The following AKT3 variants were observed in gnomAD, a reference collection of about 807,000 sequenced individuals.
AKT3 encodes the protein RAC-gamma serine/threonine-protein kinase.
AKT3 carries 15 observed loss-of-function variants against 65.3 expected under a neutral mutation model. The observed-to-expected ratio is 0.23, with a 90% CI of 0.15 to 0.35. The LOEUF (loss-of-function observed/expected upper bound fraction) is 0.35. Among genes scored for constraint, AKT3 ranks in the 10% least tolerant of loss-of-function variants. The probability of loss-of-function intolerance (pLI) is 1.00; values close to 1 mark genes in which losing one functional copy is unlikely to be tolerated. For synonymous variants in AKT3, 206 were observed against 183.8 expected, an observed-to-expected ratio of 1.12 and a Z score of -0.98; for missense variants, 243 against 576.5, an observed-to-expected ratio of 0.42 and a Z score of 5.92.
chr1:243,554,807 A>T (rs1673303123), intron 10 of AKT3, among the ~76,000 whole-genome samples: 1 of 152,086 alleles, frequency 6.6e-6, no homozygotes, highest in Non-Finnish European at 1.5e-5. Context: ...AAACCATAAA[A>T]AGCATAAAAG....
intron 8 of AKT3, among the ~76,000 whole-genome samples, chr1:243,598,849 C>T (rs1286873021): frequency 1.3e-5 from 2 of 152,132 alleles, no homozygotes; most frequent in Non-Finnish European, 2.9e-5. Context: ...GCATCTCCTT[C>T]TAGAAATCAT....
At chr1:243,572,623 T>C (rs575963164) in intron 9 of AKT3, among the ~76,000 whole-genome samples, 1 of 152,346 alleles carries the variant, frequency 6.6e-6, no homozygotes, top group South Asian at 2.1e-4. Context: ...TCTGTAAACA[T>C]AATAAAACTT....
At chr1:243,748,573 T>G (rs2148200745) in intron 2 of AKT3, among the ~76,000 whole-genome samples, 2 of 152,144 alleles carry the variant, frequency 1.3e-5, no homozygotes, top group Middle Eastern at 6.8e-3. Flanking sequence ...GAAAATAAAT[T>G]CACAAACTTT....
At chr1:243,744,695 C>T (rs904610239) in intron 2 of AKT3, among the ~76,000 whole-genome samples, 8 of 148,130 alleles carry the variant, frequency 5.4e-5, no homozygotes, top group Non-Finnish European at 7.4e-5. Flanking sequence ...GCCGAGATCG[C>T]GCCCCTGCAC....
At chr1:243,660,911 C>T (rs1230398926) in intron 4 of AKT3, among the ~76,000 whole-genome samples, 1 of 152,118 alleles carries the variant, frequency 6.6e-6, no homozygotes, top group Non-Finnish European at 1.5e-5. Flanking sequence ...TTCTTATACA[C>T]CAACAACAGA....
At chr1:243,712,801 T>TA (rs1686245358) in intron 2 of AKT3, among the ~76,000 whole-genome samples, 2 of 152,300 alleles carry the variant, frequency 1.3e-5, no homozygotes, top group Non-Finnish European at 2.9e-5. Context: ...CATCTAAATA[T>TA]AAATGTTATC....
chr1:243,540,978 C>T (rs762935650), intron 12 of AKT3, among the ~76,000 whole-genome samples: 7 of 152,192 alleles, frequency 4.6e-5, no homozygotes, highest in Non-Finnish European at 1.0e-4. Flanking sequence ...ATCTTACTTA[C>T]TGGTGATGTT....
In AKT3 at chr1:243,774,262, T is replaced by C. The variant is rs528949117; in HGVS notation, c.46+68863A>G. Among the ~76,000 whole-genome samples the C allele has an allele frequency of 4.6e-5, 7 of 152,336 alleles. No individual in the cohort carries two copies. The South Asian group carries it at 1.4e-3, about 32-fold the overall frequency. ...CCATAGTTCTACATACTACAAACTT[T>C]TCCCTTTTCCACATAGTTCCACATT... On this transcript the variant is annotated intron_variant, in intron 2 of 13. Coordinates refer to ENST00000673466, the MANE Select transcript of AKT3 (RefSeq NM_005465.7).
intron 2 of AKT3, among the ~76,000 whole-genome samples, chr1:243,736,872 C>T (rs1386392526): frequency 6.6e-6 from 1 of 152,148 alleles, no homozygotes; most frequent in Admixed American, 6.5e-5. Context: ...AGATAACAGC[C>T]ATGCAACTGG....
At chr1:243,534,309 G>A (rs909799644) in intron 12 of AKT3, among the ~76,000 whole-genome samples, 1 of 152,114 alleles carries the variant, frequency 6.6e-6, no homozygotes, top group African/African-American at 2.4e-5. Flanking sequence ...ATGATACCTG[G>A]GCCAATTCTC....
At chr1:243,505,454 A>T in intron 13 of AKT3, 120 bp from the exon 14 acceptor site, 1 of 742,508 alleles carries the variant, frequency 1.3e-6, no homozygotes. Flanking sequence ...GCTCCCATAA[A>T]CTTGTGTTCA....
chr1:243,535,153 TA>T (rs1407222031), intron 12 of AKT3, among the ~76,000 whole-genome samples: 1 of 32,168 alleles, frequency 3.1e-5, no homozygotes, highest in South Asian at 8.4e-4. Flanking sequence ...AATTTTAAAA[TA>T]TATTTTAAAA....
At chr1:243,663,466 G>A (rs1333688574) in intron 4 of AKT3, among the ~76,000 whole-genome samples, 2 of 150,950 alleles carry the variant, frequency 1.3e-5, no homozygotes, top group East Asian at 2.0e-4. Context: ...GGGAGGCAGT[G>A]CAGGGAGGGG....
At chr1:243,760,597 A>T (rs1689433655) in intron 2 of AKT3, among the ~76,000 whole-genome samples, 1 of 152,186 alleles carries the variant, frequency 6.6e-6, no homozygotes, top group Admixed American at 6.5e-5. Flanking sequence ...CAGCAAAAAA[A>T]TTTGAATAAA....
intron 2 of AKT3, among the ~76,000 whole-genome samples, chr1:243,707,156 G>A (rs532143062): frequency 1.3e-5 from 2 of 152,242 alleles, no homozygotes; most frequent in South Asian, 4.2e-4. Flanking sequence ...TAAGGCTAAG[G>A]AAACCAATCA....
chr1:243,510,303 G>C (rs184151453), intron 13 of AKT3, among the ~76,000 whole-genome samples: 1 of 152,176 alleles, frequency 6.6e-6, no homozygotes, highest in African/African-American at 2.4e-5. Context: ...CGCACACTGT[G>C]CCAGGCATCT....
intron 3 of AKT3, among the ~76,000 whole-genome samples, chr1:243,681,574 A>G (rs528801113): frequency 2.0e-4 from 30 of 152,294 alleles, no homozygotes; most frequent in African/African-American, 6.7e-4. Flanking sequence ...GCTATTATAT[A>G]TAATACAACT....
chr1:243,656,494 T>G (rs990522775), intron 4 of AKT3, among the ~76,000 whole-genome samples: 1 of 152,192 alleles, frequency 6.6e-6, no homozygotes, highest in Non-Finnish European at 1.5e-5. Flanking sequence ...AGTGGTGTTC[T>G]AACAATAATA....
intron 10 of AKT3, among the ~76,000 whole-genome samples, chr1:243,560,346 G>A (rs1158348386): frequency 6.6e-6 from 1 of 152,102 alleles, no homozygotes; most frequent in Non-Finnish European, 1.5e-5. Flanking sequence ...ATTCTTTGAT[G>A]AATGAATGAG....
Sources: gnomAD v4.1 joint callset for allele counts (sites outside exome capture counted in the v4.1 genomes callset) on GRCh38, gnomAD v4.1.1 for gene constraint, MANE v1.5 for transcripts, NCBI Gene and HGNC (gene_info 2026-07-23, HGNC 2026-07-21) for gene names.